The following CORO2B variants were observed in gnomAD, a reference collection of about 807,000 sequenced individuals.
CORO2B encodes the protein coronin-2B.
CORO2B carries 26 observed loss-of-function variants against 58.8 expected under a neutral mutation model. The observed-to-expected ratio is 0.44, with a 90% CI of 0.32 to 0.61. The LOEUF is 0.61. CORO2B is among the 20% of genes least tolerant of loss of function. The probability of loss-of-function intolerance (pLI) is 0.04; values close to 1 mark genes in which losing one functional copy is unlikely to be tolerated. For synonymous variants in CORO2B, 242 were observed against 253.8 expected, an observed-to-expected ratio of 0.95 and a Z score of 0.44; for missense variants, 460 against 645.1, an observed-to-expected ratio of 0.71 and a Z score of 3.11.
chr15:68,593,035 A>C (rs728400), intron 1 of CORO2B, among the ~76,000 whole-genome samples: 1 of 152,134 alleles, frequency 6.6e-6, no homozygotes, highest in African/African-American at 2.4e-5. Context: ...GGGTCATCCC[A>C]TGGCAGAGGC....
the CORO2B span, among the ~76,000 whole-genome samples, chr15:68,522,823 A>G: frequency 1.3e-5 from 2 of 152,212 alleles, no homozygotes; most frequent in African/African-American, 4.8e-5. Context: ...TAAGTCACAT[A>G]TGGGTTTATT....
chr15:68,684,570 C>A (rs935511613), intron 2 of CORO2B, among the ~76,000 whole-genome samples: 1 of 152,180 alleles, frequency 6.6e-6, no homozygotes, highest in Non-Finnish European at 1.5e-5. Context: ...TAGGGAACAC[C>A]CTGCAGTGGA....
chr15:68,721,503 T>C (rs1162457220), intron 11 of CORO2B, among the ~76,000 whole-genome samples: 2 of 151,658 alleles, frequency 1.3e-5, no homozygotes, highest in Non-Finnish European at 2.9e-5. Flanking sequence ...GTCAGGAGTT[T>C]GAGACCAGCC....
chr15:68,703,197 C>T (rs1270486031), intron 3 of CORO2B, among the ~76,000 whole-genome samples: 1 of 132,164 alleles, frequency 7.6e-6, no homozygotes, highest in Non-Finnish European at 1.5e-5. Context: ...TGTCACCAGG[C>T]TGTCATGCAG....
chr15:68,607,301 ACACATGGTGTCTC>A (rs1900149183), intron 1 of CORO2B, among the ~76,000 whole-genome samples: 1 of 152,204 alleles, frequency 6.6e-6, no homozygotes, highest in South Asian at 2.1e-4. Flanking sequence ...TGGAGCATCT[ACACATGGTGTCTC>A]CACATGGCTT....
chr15:68,602,237 G>A (rs543648817), intron 1 of CORO2B, among the ~76,000 whole-genome samples: 5 of 152,096 alleles, frequency 3.3e-5, no homozygotes, highest in South Asian at 4.1e-4. Context: ...GCTTTATTCC[G>A]GGGAATGACA....
the CORO2B span, among the ~76,000 whole-genome samples, chr15:68,543,786 G>T: frequency 1.3e-5 from 2 of 152,006 alleles, no homozygotes; most frequent in Non-Finnish European, 2.9e-5. Context: ...TCCTGCCTTA[G>T]TCCCTCCTGC....
At chr15:68,686,861 T>G (rs957310837) in intron 2 of CORO2B, among the ~76,000 whole-genome samples, 4 of 148,426 alleles carry the variant, frequency 2.7e-5, no homozygotes, top group Non-Finnish European at 5.9e-5. Context: ...ATCGCACCAT[T>G]GCACCCCAGC....
chr15:68,715,061 G>A (rs1264582697), intron 7 of CORO2B, among the ~76,000 whole-genome samples, 154 bp from the exon 8 acceptor site: 1 of 152,114 alleles, frequency 6.6e-6, no homozygotes, highest in Non-Finnish European at 1.5e-5. Context: ...CCCCTGTGGT[G>A]CACCCACTAG....
intron 5 of CORO2B, among the ~76,000 whole-genome samples, chr15:68,712,452 C>A (rs2140328384): frequency 6.6e-6 from 1 of 152,204 alleles, no homozygotes; most frequent in South Asian, 2.1e-4. Context: ...ACATAACACC[C>A]AAAGGAAATG....
intron 2 of CORO2B, among the ~76,000 whole-genome samples, chr15:68,659,813 A>G (rs188907665): frequency 2.4e-4 from 36 of 152,304 alleles, no homozygotes; most frequent in Admixed American, 9.8e-4. Flanking sequence ...GCACGCCTGT[A>G]GTCCCAGCTA....
At chr15:68,584,153 G>A (rs186020958) in intron 1 of CORO2B, among the ~76,000 whole-genome samples, 60 of 152,352 alleles carry the variant, frequency 3.9e-4, no homozygotes, top group African/African-American at 1.4e-3. Context: ...TCAGAGTCTC[G>A]AGGTCCAGTG....
At chr15:68,600,859 AG>A (rs1899963708) in intron 1 of CORO2B, among the ~76,000 whole-genome samples, 1 of 152,172 alleles carries the variant, frequency 6.6e-6, no homozygotes, top group Non-Finnish European at 1.5e-5. Context: ...GAGGAAGGTG[AG>A]GAGGGAGAGA....
At chr15:68,590,290 AC>A (rs1279354896) in intron 1 of CORO2B, among the ~76,000 whole-genome samples, 3 of 151,618 alleles carry the variant, frequency 2.0e-5, no homozygotes, top group African/African-American at 7.3e-5. Flanking sequence ...GGAGCCACAA[AC>A]TCAGTGGGCC....
intron 3 of CORO2B, among the ~76,000 whole-genome samples, chr15:68,709,231 T>C (rs894440876): frequency 6.6e-6 from 1 of 152,234 alleles, no homozygotes; most frequent in Non-Finnish European, 1.5e-5. Flanking sequence ...TTATGGCTCC[T>C]ACTAAAGATT....
At position 68,579,284 on chromosome 15, in the gene CORO2B, GC is replaced by G; in HGVS notation, c.15+9del. ...CTGCATGACTGTCACAAAGGTAAGC[GC>G]CGCTCGCCCGCCGCGCCCGGGACCC... On this transcript the variant is annotated splice_region_variant and intron_variant, in intron 1 of 11. Transcript: ENST00000261861. The G allele has an allele frequency of 2.3e-6, 3 of 1,284,650 alleles. No homozygotes were observed. The highest frequency in any genetic ancestry group is 3.0e-6 in the Non-Finnish European group (3 of 1,011,336). The allele number at this position is 1,284,650 out of a possible 1,614,324, so 79.6% of individuals were successfully genotyped here.
chr15:68,559,027 A>G, the CORO2B span, among the ~76,000 whole-genome samples: 1 of 152,074 alleles, frequency 6.6e-6, no homozygotes, highest in Non-Finnish European at 1.5e-5. This position sits in a 1 kb window ranked among gnomAD's most constrained non-coding sequence, Gnocchi z 4.3. Flanking sequence ...GTCAGTAAAT[A>G]TGTTCGGAGA....
At chr15:68,557,846 G>A in the CORO2B span, among the ~76,000 whole-genome samples, 2 of 152,242 alleles carry the variant, frequency 1.3e-5, no homozygotes, top group Non-Finnish European at 2.9e-5. Context: ...TTAGGGAAGA[G>A]GGGGTGCAGC....
the CORO2B span, among the ~76,000 whole-genome samples, chr15:68,554,501 A>T: frequency 1.3e-5 from 2 of 152,128 alleles, no homozygotes; most frequent in African/African-American, 2.4e-5. Flanking sequence ...TTCCTTTTGC[A>T]GAACTAGTCA....
Sources: allele counts gnomAD v4.1 joint callset (sites outside exome capture counted in the v4.1 genomes callset), GRCh38; gene constraint gnomAD v4.1.1; non-coding constraint Gnocchi (gnomAD v3.1); transcripts MANE v1.5; gene names NCBI Gene and HGNC (gene_info 2026-07-23, HGNC 2026-07-21).